Variants in XKR4 observed in about 807,000 individuals in gnomAD.
XKR4 encodes the protein XK related 4.
XKR4 carries 12 observed loss-of-function variants against 53.9 expected under a neutral mutation model. The ratio of observed to expected loss-of-function variants is 0.22; its 90% CI spans 0.14 to 0.36. The LOEUF (loss-of-function observed/expected upper bound fraction) is 0.36. Among genes scored for constraint, XKR4 ranks in the 10% least tolerant of loss-of-function variants. The pLI, the probability that XKR4 is intolerant of heterozygous loss-of-function variation, is 1.00. For missense variants in XKR4, 799 were observed against 859.5 expected, an observed-to-expected ratio of 0.93 and a Z score of 0.88; for synonymous variants, 354 against 362.4, an observed-to-expected ratio of 0.98 and a Z score of 0.26.
At chr8:55,395,799 A>G (rs1804508298) in intron 2 of XKR4, among the ~76,000 whole-genome samples, 1 of 152,204 alleles carries the variant, frequency 6.6e-6, no homozygotes, top group Non-Finnish European at 1.5e-5. Context: ...GAACAGTGAA[A>G]AAACTGCCTT....
rs1156857479 is a variant in XKR4 at position 55,190,241 on chromosome 8, A to G, written c.806+86947A>G. Among the ~76,000 whole-genome samples, 4 of 152,328 alleles carry G rather than the reference A, an allele frequency of 2.6e-5. No homozygotes were observed. The East Asian group carries it at 7.7e-4, about 29-fold the overall frequency. On this transcript the variant is annotated intron_variant, in intron 1 of 2. Coordinates refer to ENST00000327381, the MANE Select transcript of XKR4 (RefSeq NM_052898.2). ...GGGCTTGGAGGAGGAAGGACCATCA[A>G]GCCCTGTGCTTCACCAAGTAAAATT...
intron 1 of XKR4, among the ~76,000 whole-genome samples, chr8:55,303,303 T>G (rs955965169): frequency 6.6e-6 from 1 of 152,240 alleles, no homozygotes; most frequent in Admixed American, 6.5e-5. Flanking sequence ...TTACATTTAT[T>G]GATTTGTGTA....
chr8:55,462,099 A>T (rs1005532481), intron 2 of XKR4, among the ~76,000 whole-genome samples: 5 of 152,226 alleles, frequency 3.3e-5, no homozygotes, highest in African/African-American at 4.8e-5. Context: ...GCAGGTCAAC[A>T]TTCAAATTCA....
chr8:55,540,118 C>T lies in XKR4; in HGVS notation c.*15891C>T, dbSNP rs141698691. ...CCAGACCACATGGAACTCTCCAGAG[C>T]CCTCCTTGAAAGTTTTTAGAAAAAC... On this transcript the variant is annotated 3_prime_UTR_variant, in exon 3 of 3. Coordinates refer to ENST00000327381, the MANE Select transcript of XKR4 (RefSeq NM_052898.2). 2.0e-5 allele frequency: 3 copies of T among 152,156 alleles called. No individual in the cohort carries two copies. Among genetic ancestry groups the T allele is most frequent in the Non-Finnish European group, 4.4e-5 (3 of 68,010 alleles). 9.4% of individuals were successfully genotyped at this position (152,156 alleles called of 1,614,324 possible).
At chr8:55,360,646 T>C (rs1010782499) in intron 2 of XKR4, among the ~76,000 whole-genome samples, 1 of 152,238 alleles carries the variant, frequency 6.6e-6, no homozygotes, top group Non-Finnish European at 1.5e-5. Flanking sequence ...ATGGTCACTC[T>C]GTATGTGACT....
At chr8:55,204,193 G>A (rs1817613135) in intron 1 of XKR4, among the ~76,000 whole-genome samples, 1 of 151,906 alleles carries the variant, frequency 6.6e-6, no homozygotes, top group African/African-American at 2.4e-5. Flanking sequence ...GTTTTGTAGA[G>A]ACAGTTCTCG....
chr8:55,421,407 G>A (rs1563345869), intron 2 of XKR4, among the ~76,000 whole-genome samples: 1 of 152,142 alleles, frequency 6.6e-6, no homozygotes, highest in African/African-American at 2.4e-5. Context: ...AAAAGAAACT[G>A]GATCCAACCA....
At chr8:55,398,250 A>T (rs1376313597) in intron 2 of XKR4, among the ~76,000 whole-genome samples, 1 of 152,104 alleles carries the variant, frequency 6.6e-6, no homozygotes, top group Non-Finnish European at 1.5e-5. Flanking sequence ...ACCCCAGAGC[A>T]ACTTTAGAGA....
chr8:55,170,149 G>A (rs540285563), intron 1 of XKR4, among the ~76,000 whole-genome samples: 1 of 152,292 alleles, frequency 6.6e-6, no homozygotes, highest in Admixed American at 6.5e-5. Context: ...TGCATGATGA[G>A]CTAGTCAAGT....
At chr8:55,152,864 A>G (rs891328276) in intron 1 of XKR4, among the ~76,000 whole-genome samples, 1 of 152,224 alleles carries the variant, frequency 6.6e-6, no homozygotes, top group Non-Finnish European at 1.5e-5. Flanking sequence ...AAGTTACTTC[A>G]TGGCTAGCAC....
rs1482949325 is a variant in XKR4 at position 55,529,235 on chromosome 8, G to A, written c.*5008G>A. ...TGGAAGAAGTGCCAAATAGCCATTT[G>A]CATTTATATATATATATTGCAGGCA... On this transcript the variant is annotated 3_prime_UTR_variant, in exon 3 of 3. Transcript: ENST00000327381. The A allele has an allele frequency of 2.0e-5, 3 of 151,828 alleles. No homozygotes were observed. Among genetic ancestry groups the A allele is most frequent in the Non-Finnish European group, 2.9e-5 (2 of 67,982 alleles). The allele number at this position is 151,828 out of a possible 1,614,324, so 9.4% of individuals were successfully genotyped here.
intron 1 of XKR4, chr8:55,140,164 C>T (rs1049945531): frequency 1.6e-5 from 7 of 434,000 alleles, no homozygotes; most frequent in Non-Finnish European, 3.2e-5. Context: ...GGTATCTTGA[C>T]TGAGTGTCTT....
chr8:55,375,015 C>T (rs1350016474), intron 2 of XKR4, among the ~76,000 whole-genome samples: 2 of 152,124 alleles, frequency 1.3e-5, no homozygotes, highest in Non-Finnish European at 2.9e-5. Flanking sequence ...GGTGATGCCC[C>T]CAGCAACCAG....
intron 2 of XKR4, chr8:55,452,205 G>A: frequency 1.5e-6 from 1 of 687,770 alleles, no homozygotes. Context: ...CTCATCAAAG[G>A]CCATTTTCAG....
At chr8:55,127,801 G>T (rs1219624724) in intron 1 of XKR4, among the ~76,000 whole-genome samples, 2 of 141,128 alleles carry the variant, frequency 1.4e-5, no homozygotes, top group Admixed American at 1.6e-4. Flanking sequence ...TCATTGTTCA[G>T]TTCCCACCTA....
At chr8:55,271,724 T>G (rs1818693252) in intron 1 of XKR4, among the ~76,000 whole-genome samples, 1 of 152,232 alleles carries the variant, frequency 6.6e-6, no homozygotes, top group South Asian at 2.1e-4. Context: ...TATTTGGCTT[T>G]CTTTGGTTGG....
At chr8:55,400,486 C>T (rs1804582837) in intron 2 of XKR4, among the ~76,000 whole-genome samples, 2 of 152,094 alleles carry the variant, frequency 1.3e-5, no homozygotes, top group African/African-American at 4.8e-5. Context: ...GAACCCAAGT[C>T]CCTGCTGAAT....
intron 1 of XKR4, among the ~76,000 whole-genome samples, chr8:55,129,069 T>G (rs571545388): frequency 6.6e-6 from 1 of 152,314 alleles, no homozygotes; most frequent in South Asian, 2.1e-4. Flanking sequence ...GACTTTTGAC[T>G]CAGAATAAGG....
At chr8:55,432,950 T>G (rs1360149056) in intron 2 of XKR4, among the ~76,000 whole-genome samples, 1 of 152,200 alleles carries the variant, frequency 6.6e-6, no homozygotes, top group Admixed American at 6.5e-5. Flanking sequence ...TCTTCACTCA[T>G]GTCCTGCTCT....
Sources: gnomAD v4.1 joint callset for allele counts (sites outside exome capture counted in the v4.1 genomes callset) on GRCh38, gnomAD v4.1.1 for gene constraint, MANE v1.5 for transcripts, NCBI Gene and HGNC (gene_info 2026-07-23, HGNC 2026-07-21) for gene names.